The following USH2A variants were observed in gnomAD, a reference collection of about 807,000 sequenced individuals.
USH2A encodes the protein Usher syndrome 2A (autosomal recessive, mild).
Under a neutral mutation model 538.9 loss-of-function variants are expected in USH2A, and 443 were observed. The observed-to-expected ratio is 0.82, with a 90% CI of 0.76 to 0.89. The LOEUF is 0.89. Ranked by LOEUF, USH2A falls within the 40% of genes least tolerant of loss-of-function variation. USH2A has a pLI of 0.00. For synonymous variants in USH2A, 2,413 were observed against 2,273.5 expected (o/e 1.06, Z -1.75); for missense variants, 6,633 against 6,324.8 (o/e 1.05, Z -1.65).
chr1:216,300,493 G>A (rs1442627169), intron 9 of USH2A, among the ~76,000 whole-genome samples: 4 of 152,152 alleles, frequency 2.6e-5, no homozygotes, highest in African/African-American at 7.2e-5. Context: ...CCGCTAAGTT[G>A]CAGCCAAATA....
At position 216,073,153 on chromosome 1, in the gene USH2A, A is replaced by G. The variant is rs1473468405; in HGVS notation, c.5720T>C (p.Leu1907Pro). The change falls in exon 28 of 72, where the codon CTG becomes CCG. Residue 1907 changes from leucine (L) to proline (P), a missense_variant. Transcript: ENST00000307340. The part of the protein sequence containing the change: ...AVNCRGNDSI[L>P]VYQGKEQSVY... Reference sequence around the variant, plus strand: ...ACTCTGCTCTTTTCCCTGGTAAACCAGGATGGAGTCATTTCCCCTGCAGTT... The same window carrying G: ...ACTCTGCTCTTTTCCCTGGTAAACCGGGATGGAGTCATTTCCCCTGCAGTT... The G allele has an allele frequency of 2.5e-6, 4 of 1,613,974 alleles. No homozygotes were observed. The highest frequency in any genetic ancestry group is 2.2e-5 in the South Asian group (2 of 91,072).
At chr1:215,685,861 G>A in intron 61 of USH2A, among the ~76,000 whole-genome samples, 1 of 151,952 alleles carries the variant, frequency 6.6e-6, no homozygotes, top group East Asian at 1.9e-4. Context: ...TATCTCAGCT[G>A]GTGAGACAAA....
intron 10 of USH2A, among the ~76,000 whole-genome samples, chr1:216,290,176 A>C (rs2036974694): frequency 6.6e-6 from 1 of 152,168 alleles, no homozygotes; most frequent in Non-Finnish European, 1.5e-5. Flanking sequence ...CAAGACTATC[A>C]ATTCCCCCTT....
chr1:215,740,519 T>G (rs1660270550), intron 60 of USH2A, among the ~76,000 whole-genome samples: 1 of 152,112 alleles, frequency 6.6e-6, no homozygotes, highest in South Asian at 2.1e-4. Flanking sequence ...ACCAGTGGAG[T>G]GGAGGCTCAT....
intron 38 of USH2A, 188 bp from the exon 39 acceptor site, chr1:215,901,093 T>C: frequency 1.4e-6 from 1 of 720,090 alleles, no homozygotes. Context: ...TTCAACACAA[T>C]TACATTAGTA....
At chr1:216,105,042 A>C (rs1244094575) in intron 21 of USH2A, among the ~76,000 whole-genome samples, 1 of 152,336 alleles carries the variant, frequency 6.6e-6, no homozygotes, top group African/African-American at 2.4e-5. Flanking sequence ...TTATGCAGCC[A>C]ACAGACACAT....
At chr1:216,097,493 C>T (rs1163671191) in intron 21 of USH2A, among the ~76,000 whole-genome samples, 2 of 152,074 alleles carry the variant, frequency 1.3e-5, no homozygotes, top group Admixed American at 1.3e-4. Flanking sequence ...ATATTGTCAA[C>T]CCAAAATTGG....
intron 3 of USH2A, among the ~76,000 whole-genome samples, chr1:216,415,011 T>C (rs2039552290): frequency 6.6e-6 from 1 of 152,102 alleles, no homozygotes; most frequent in South Asian, 2.1e-4. Context: ...ATAGTAACAA[T>C]CTACATTTCT....
chr1:215,635,469 A>G (rs2102631295), intron 69 of USH2A, among the ~76,000 whole-genome samples: 1 of 152,242 alleles, frequency 6.6e-6, no homozygotes, highest in African/African-American at 2.4e-5. Context: ...TTTAACAAGA[A>G]TGTACCTGGT....
At chr1:216,071,810 T>C (rs1326518544) in intron 29 of USH2A, among the ~76,000 whole-genome samples, 1 of 152,204 alleles carries the variant, frequency 6.6e-6, no homozygotes, top group Non-Finnish European at 1.5e-5. Flanking sequence ...GAGTATTTTA[T>C]ATTGGAGCTT....
At chr1:216,077,463 G>A (rs2031788979) in intron 27 of USH2A, among the ~76,000 whole-genome samples, 1 of 151,300 alleles carries the variant, frequency 6.6e-6, no homozygotes, top group South Asian at 2.1e-4. Context: ...GAATTGCATT[G>A]ATATTTTTTA....
intron 62 of USH2A, among the ~76,000 whole-genome samples, chr1:215,678,442 A>C (rs532688381): frequency 1.3e-5 from 2 of 152,166 alleles, no homozygotes; most frequent in South Asian, 4.1e-4. Flanking sequence ...CAGGCCTTGC[A>C]TTTGCTGTTC....
intron 14 of USH2A, among the ~76,000 whole-genome samples, chr1:216,219,552 C>T (rs533926060): frequency 6.6e-6 from 1 of 152,094 alleles, no homozygotes; most frequent in East Asian, 1.9e-4. Flanking sequence ...ATATATTTCA[C>T]ATTTATTAAA....
intron 27 of USH2A, among the ~76,000 whole-genome samples, chr1:216,074,762 T>C (rs2031692355): frequency 6.6e-6 from 1 of 152,196 alleles, no homozygotes; most frequent in East Asian, 1.9e-4. Flanking sequence ...TGATGGCACA[T>C]AACTGTATTA....
At chr1:215,864,712 C>T (rs1423445902) in intron 44 of USH2A, among the ~76,000 whole-genome samples, 2 of 152,102 alleles carry the variant, frequency 1.3e-5, no homozygotes, top group African/African-American at 4.8e-5. Context: ...GAAATATGGC[C>T]ACTGTGTTGC....
At chr1:216,259,292 A>G (rs1256545782) in intron 11 of USH2A, among the ~76,000 whole-genome samples, 2 of 152,098 alleles carry the variant, frequency 1.3e-5, no homozygotes, top group Admixed American at 1.3e-4. Flanking sequence ...TGTGGTTGGG[A>G]GCAAAGGAAG....
At chr1:215,627,433 C>CCTTCCTTCT (rs1558027431) in intron 71 of USH2A, among the ~76,000 whole-genome samples, 90 of 74,772 alleles carry the variant, frequency 1.2e-3, no homozygotes, top group African/African-American at 2.5e-3. Flanking sequence ...TCCTTCCTTC[C>CCTTCCTTCT]TTCCTTCCTT....
intron 21 of USH2A, among the ~76,000 whole-genome samples, chr1:216,141,662 CTT>C (rs2033606220): frequency 6.6e-6 from 1 of 152,122 alleles, no homozygotes; most frequent in African/African-American, 2.4e-5. Flanking sequence ...CCCCTTTAGA[CTT>C]TGAGTGGCTT....
chr1:215,760,136 A>T (rs1660937578), intron 56 of USH2A, among the ~76,000 whole-genome samples: 2 of 152,122 alleles, frequency 1.3e-5, no homozygotes, highest in South Asian at 4.1e-4. Context: ...TCATCTGGGG[A>T]TTTCAAACTT....
Sources: allele counts gnomAD v4.1 joint callset (sites outside exome capture counted in the v4.1 genomes callset), GRCh38; gene constraint gnomAD v4.1.1; transcripts MANE v1.5; gene names NCBI Gene and HGNC (gene_info 2026-07-23, HGNC 2026-07-21).